Variants in CCDC126 observed in about 807,000 individuals in gnomAD.
CCDC126 encodes coiled-coil domain containing 126, also known as coiled-coil domain-containing protein 126.
CCDC126 carries 5 observed loss-of-function variants against 11.7 expected under a neutral mutation model. The observed-to-expected ratio is 0.43, with a 90% CI of 0.22 to 0.90. The LOEUF (loss-of-function observed/expected upper bound fraction) is 0.90. Among genes scored for constraint, CCDC126 ranks in the 40% least tolerant of loss-of-function variants. The probability of loss-of-function intolerance (pLI) is 0.27; values close to 1 mark genes in which losing one functional copy is unlikely to be tolerated. For synonymous variants in CCDC126, 60 were observed against 61.9 expected (o/e 0.97, Z 0.14); for missense variants, 150 against 163.1 (o/e 0.92, Z 0.44).
chr7:23,606,853 G>A (rs1782630986), intron 2 of CCDC126, among the ~76,000 whole-genome samples: 1 of 152,032 alleles, frequency 6.6e-6, no homozygotes, highest in South Asian at 2.1e-4. Context: ...GGAGGATCAC[G>A]TGAGGCCAGG....
In CCDC126 at chr7:23,643,144, T is replaced by C; in HGVS notation, c.*29T>C. 1 of 1,594,716 alleles carries C rather than the reference T, an allele frequency of 6.3e-7. No homozygotes were observed. The highest frequency in any genetic ancestry group is 8.6e-7 in the Non-Finnish European group (1 of 1,166,328). On this transcript the variant is annotated 3_prime_UTR_variant, in exon 4 of 4. Transcript: ENST00000307471. ...TTGAAAATCACCTTGTGCTGCTCCA[T>C]CCACTGTGGATTATATCCTATGGCA...
At chr7:23,611,680 A>T in intron 3 of CCDC126, 127 bp downstream of exon 3, 2 of 670,944 alleles carry the variant, frequency 3.0e-6, no homozygotes. Flanking sequence ...TTATTATGAA[A>T]ATTTCAAATG....
chr7:23,632,217 C>A (rs1368146621), intron 3 of CCDC126, among the ~76,000 whole-genome samples: 1 of 151,574 alleles, frequency 6.6e-6, no homozygotes, highest in Non-Finnish European at 1.5e-5. Context: ...CCTCAGCCTT[C>A]CAAGTAGCTT....
intron 3 of CCDC126, among the ~76,000 whole-genome samples, chr7:23,635,310 C>G (rs1783190711): frequency 6.6e-6 from 1 of 152,214 alleles, no homozygotes; most frequent in Admixed American, 6.5e-5. Context: ...AGGATAGGAT[C>G]TCTGTTTCCA....
chr7:23,618,210 G>T (rs1363468679), intron 3 of CCDC126, among the ~76,000 whole-genome samples: 1 of 152,146 alleles, frequency 6.6e-6, no homozygotes, highest in South Asian at 2.1e-4. Flanking sequence ...AGTTGTATTG[G>T]GGTCTCATTA....
chr7:23,618,759 A>G (rs1405230187), intron 3 of CCDC126, among the ~76,000 whole-genome samples: 7 of 151,590 alleles, frequency 4.6e-5, no homozygotes, highest in Admixed American at 4.6e-4. Context: ...ACCATGTTCA[A>G]GGCCAGGTTG....
intron 3 of CCDC126, among the ~76,000 whole-genome samples, chr7:23,640,323 C>T (rs919724182): frequency 1.3e-5 from 2 of 151,818 alleles, no homozygotes; most frequent in East Asian, 3.9e-4. Flanking sequence ...CATGGAGAAA[C>T]CCCACATCTA....
At chr7:23,612,082 G>T (rs1361815104) in intron 3 of CCDC126, among the ~76,000 whole-genome samples, 1 of 150,364 alleles carries the variant, frequency 6.7e-6, no homozygotes, top group Admixed American at 6.7e-5. Flanking sequence ...GGAGGCGGAG[G>T]TTGCAGTGAG....
At chr7:23,620,630 GT>G (rs1348508126) in intron 3 of CCDC126, among the ~76,000 whole-genome samples, 2 of 152,030 alleles carry the variant, frequency 1.3e-5, no homozygotes, top group Non-Finnish European at 2.9e-5. Flanking sequence ...TGCTTTTGGT[GT>G]TTTAGACATG....
chr7:23,603,973 A>G (rs1056179541), intron 2 of CCDC126: 3 of 152,230 alleles, frequency 2.0e-5, no homozygotes, highest in Non-Finnish European at 4.4e-5. Context: ...ATGAAGTAAC[A>G]TGCTGTGGGA....
At chr7:23,608,311 G>A (rs1012752110) in intron 2 of CCDC126, among the ~76,000 whole-genome samples, 5 of 152,200 alleles carry the variant, frequency 3.3e-5, no homozygotes, top group African/African-American at 1.2e-4. Context: ...AGAGGCAGCA[G>A]TCAGGCAGTT....
chr7:23,606,340 GA>G lies in CCDC126; in HGVS notation c.-145-4830del, dbSNP rs1411831725. ...CCCAAAGTGCTGGGATTACAGGTGTGAGCCACTGTGCCTGGCCTCATAGTGG... is the reference window on the plus strand; with the variant it reads ...CCCAAAGTGCTGGGATTACAGGTGTGGCCACTGTGCCTGGCCTCATAGTGG... On this transcript the variant is annotated intron_variant, in intron 2 of 3. Transcript: ENST00000307471. Among the ~76,000 whole-genome samples the G allele has an allele frequency of 5.3e-5, 8 of 152,294 alleles. 1 individual carries two copies. The South Asian group carries it at 8.3e-4, about 16-fold the overall frequency.
intron 3 of CCDC126, among the ~76,000 whole-genome samples, chr7:23,628,492 A>G (rs1783051507): frequency 1.3e-5 from 2 of 152,230 alleles, no homozygotes; most frequent in Non-Finnish European, 2.9e-5. Flanking sequence ...GCCAAACATC[A>G]CAGAAAAAAA....
intron 3 of CCDC126, among the ~76,000 whole-genome samples, chr7:23,624,121 A>G (rs992580873): frequency 6.6e-6 from 1 of 152,200 alleles, no homozygotes; most frequent in Non-Finnish European, 1.5e-5. Context: ...GTCAGTTACC[A>G]TTCAGCCCTG....
At chr7:23,603,093 A>G (rs1156624694) in intron 2 of CCDC126, among the ~76,000 whole-genome samples, 2 of 152,026 alleles carry the variant, frequency 1.3e-5, no homozygotes, top group African/African-American at 2.4e-5. Context: ...TCCACCTCCA[A>G]TTCTTTTTTC....
intron 3 of CCDC126, among the ~76,000 whole-genome samples, chr7:23,613,436 C>T (rs928484952): frequency 2.0e-5 from 3 of 152,104 alleles, no homozygotes; most frequent in Non-Finnish European, 4.4e-5. Context: ...TAGAGCCACC[C>T]ATTTTAAATT....
rs185164275 is a variant in CCDC126 at position 23,621,960 on chromosome 7, G to A, written c.238+10407G>A. 4.2e-3 allele frequency among the ~76,000 whole-genome samples: 645 copies of A among 152,230 alleles called. 5 individuals are homozygous for A. The highest frequency in any genetic ancestry group is 0.017 in the Middle Eastern group (5 of 294). ...TTGATCAAGGTGGATAAGCTTTTTGGTGTGCTGCTGGATTCGGTTTGCCAG... is the reference window on the plus strand; with the variant it reads ...TTGATCAAGGTGGATAAGCTTTTTGATGTGCTGCTGGATTCGGTTTGCCAG... On this transcript the variant is annotated intron_variant, in intron 3 of 3. Transcript: ENST00000307471.
chr7:23,610,844 G>A (rs574257561), intron 2 of CCDC126, among the ~76,000 whole-genome samples: 8 of 151,810 alleles, frequency 5.3e-5, no homozygotes, highest in Admixed American at 3.3e-4. Flanking sequence ...TTGGTGACAC[G>A]TATTTGAATA....
chr7:23,621,745 A>G (rs1279822234), intron 3 of CCDC126, among the ~76,000 whole-genome samples: 2 of 152,182 alleles, frequency 1.3e-5, no homozygotes, highest in African/African-American at 4.8e-5. Flanking sequence ...TTATTTTGAG[A>G]TAACGTTCCA....
Sources: allele counts gnomAD v4.1 joint callset (sites outside exome capture counted in the v4.1 genomes callset), GRCh38; gene constraint gnomAD v4.1.1; transcripts MANE v1.5; gene names NCBI Gene and HGNC (gene_info 2026-07-23, HGNC 2026-07-21).